SNCAIP: variants seen among roughly 807,000 people sequenced by gnomAD.
SNCAIP encodes synuclein alpha interacting protein.
A neutral mutation model predicts 86.7 loss-of-function variants in SNCAIP; 43 were observed. The ratio of observed to expected loss-of-function variants is 0.50; its 90% CI spans 0.39 to 0.64. The LOEUF (loss-of-function observed/expected upper bound fraction) is 0.64. SNCAIP is among the 30% of genes least tolerant of loss of function. The probability of loss-of-function intolerance (pLI) is 0.00; values close to 1 mark genes in which losing one functional copy is unlikely to be tolerated. For synonymous variants in SNCAIP, 417 were observed against 427.2 expected (o/e 0.98, Z 0.29); for missense variants, 981 against 1,103.1 (o/e 0.89, Z 1.57).
At chr5:122,426,066 C>T (rs908698695) in intron 5 of SNCAIP, among the ~76,000 whole-genome samples, 5 of 152,154 alleles carry the variant, frequency 3.3e-5, no homozygotes, top group Non-Finnish European at 5.9e-5. Context: ...AAATTAATGT[C>T]GACTGGAATA....
intron 5 of SNCAIP, among the ~76,000 whole-genome samples, chr5:122,429,564 C>G (rs1777985679): frequency 6.6e-6 from 1 of 151,772 alleles, no homozygotes; most frequent in African/African-American, 2.4e-5. Flanking sequence ...ACCGTCTTGC[C>G]TAGTAAATGA....
intron 1 of SNCAIP, among the ~76,000 whole-genome samples, chr5:122,378,691 T>C (rs940413018): frequency 7.7e-6 from 1 of 129,882 alleles, no homozygotes; most frequent in African/African-American, 2.9e-5. Flanking sequence ...GTTTAAGTCT[T>C]TAATCCATCT....
chr5:122,395,044 C>G (rs1770299182), intron 2 of SNCAIP, among the ~76,000 whole-genome samples: 1 of 152,170 alleles, frequency 6.6e-6, no homozygotes, highest in South Asian at 2.1e-4. Flanking sequence ...TTCTCTAGAC[C>G]AGTCACCTCA....
intron 6 of SNCAIP, among the ~76,000 whole-genome samples, chr5:122,437,584 C>T (rs550296066): frequency 2.6e-4 from 40 of 152,268 alleles, no homozygotes; most frequent in African/African-American, 8.7e-4. Context: ...CAACATAAAA[C>T]CCAAGACTGG....
At chr5:122,367,959 A>G (rs1300368195) in intron 1 of SNCAIP, among the ~76,000 whole-genome samples, 1 of 152,074 alleles carries the variant, frequency 6.6e-6, no homozygotes, top group African/African-American at 2.4e-5. Flanking sequence ...TCTCTGAGAA[A>G]CTCATTAGGA....
chr5:122,370,627 A>G (rs1764097992), intron 1 of SNCAIP, among the ~76,000 whole-genome samples: 1 of 152,178 alleles, frequency 6.6e-6, no homozygotes. Context: ...TCATCAGTCA[A>G]GCAAATATTC....
At chr5:122,335,412 T>C (rs1376361341) in intron 1 of SNCAIP, among the ~76,000 whole-genome samples, 2 of 152,188 alleles carry the variant, frequency 1.3e-5, no homozygotes, top group Admixed American at 1.3e-4. Flanking sequence ...ATCAAAAGTA[T>C]ATATTTGTAG....
chr5:122,372,396 C>T (rs898973192), intron 1 of SNCAIP, among the ~76,000 whole-genome samples: 1 of 152,126 alleles, frequency 6.6e-6, no homozygotes, highest in African/African-American at 2.4e-5. Flanking sequence ...CACAGCTGTT[C>T]AAGTTGTTGC....
At chr5:122,369,472 G>T (rs1763851332) in intron 1 of SNCAIP, among the ~76,000 whole-genome samples, 1 of 152,204 alleles carries the variant, frequency 6.6e-6, no homozygotes, top group Non-Finnish European at 1.5e-5. Context: ...ACATAGGATT[G>T]CAAGTTAAAG....
At chr5:122,323,830 T>C (rs1753471292) in intron 1 of SNCAIP, among the ~76,000 whole-genome samples, 1 of 152,224 alleles carries the variant, frequency 6.6e-6, no homozygotes, top group Admixed American at 6.5e-5. Flanking sequence ...AAAATGTGCA[T>C]GTAGGAAACC....
In SNCAIP at chr5:122,390,143, A is replaced by T. The variant is rs752448182; in HGVS notation, c.-46-946A>T. Among the ~76,000 whole-genome samples, 10 of 152,322 alleles carry T rather than the reference A, an allele frequency of 6.6e-5. No individual in the cohort carries two copies. In the Middle Eastern group the frequency reaches 0.01, roughly 155 times the overall value. On this transcript the variant is annotated intron_variant, in intron 1 of 10. Transcript: ENST00000261368. ...AAGAGGGCAAAATGAATTATTTCAG[A>T]TACTCAAATCTGGGTACTTAAGATA...
intron 1 of SNCAIP, among the ~76,000 whole-genome samples, chr5:122,362,897 AG>A (rs1410705440): frequency 6.6e-6 from 1 of 152,232 alleles, no homozygotes; most frequent in Non-Finnish European, 1.5e-5. Flanking sequence ...TAGGGGCTTA[AG>A]TCCCAGACAA....
intron 1 of SNCAIP, among the ~76,000 whole-genome samples, chr5:122,386,609 C>T (rs1768180492): frequency 6.6e-6 from 1 of 152,042 alleles, no homozygotes; most frequent in Non-Finnish European, 1.5e-5. Context: ...GTGCTGTGGG[C>T]ACATCCAAAG....
chr5:122,361,804 A>G (rs1209833087), intron 1 of SNCAIP, among the ~76,000 whole-genome samples: 1 of 152,188 alleles, frequency 6.6e-6, no homozygotes, highest in Non-Finnish European at 1.5e-5. Context: ...CTGCTGTCAC[A>G]TCATCAGTTC....
chr5:122,380,507 A>AT (rs1373162553), intron 1 of SNCAIP, among the ~76,000 whole-genome samples: 33 of 149,776 alleles, frequency 2.2e-4, no homozygotes, highest in Admixed American at 2.2e-3. Context: ...GAATTCATTA[A>AT]TTTTTTGAAG....
chr5:122,387,839 T>C (rs1214101653), intron 1 of SNCAIP, among the ~76,000 whole-genome samples: 1 of 152,256 alleles, frequency 6.6e-6, no homozygotes, highest in East Asian at 1.9e-4. Context: ...CAAATTGTGA[T>C]GTGCCAATAG....
Position 122,423,576 on chromosome 5 carries a change from T to G in SNCAIP, c.839T>G (p.Leu280Arg). ...KVEKTTPDCQ[L>R]RAFHLQSSAA... ...GAGAAGACAACACCAGACTGCCAGC[T>G]CAGGGCCTTCCACCTACAATCCTCA... The change falls in exon 4 of 11, where the codon CTC becomes CGC. Residue 280 changes from leucine (L) to arginine (R), a missense_variant. Physicochemically the swap from Leu to Arg is moderately radical, Grantham distance 102 (BLOSUM62 -2). Transcript: ENST00000261368. 6.2e-7 allele frequency: 1 copy of G among 1,614,168 alleles called. No individual in the cohort carries two copies. Among genetic ancestry groups the G allele is most frequent in the Non-Finnish European group, 8.5e-7 (1 of 1,180,036 alleles).
At chr5:122,439,850 G>A (rs896275646) in intron 6 of SNCAIP, among the ~76,000 whole-genome samples, 2 of 151,962 alleles carry the variant, frequency 1.3e-5, no homozygotes, top group Non-Finnish European at 2.9e-5. Context: ...TTCTCCAAAG[G>A]CCAAGCATAA....
chr5:122,430,329 T>C (rs1778163554), intron 5 of SNCAIP, among the ~76,000 whole-genome samples: 2 of 152,160 alleles, frequency 1.3e-5, no homozygotes, highest in African/African-American at 4.8e-5. Context: ...GAATGTTTGA[T>C]TTGTCTGACA....
Sources: allele counts gnomAD v4.1 joint callset (sites outside exome capture counted in the v4.1 genomes callset), GRCh38; gene constraint gnomAD v4.1.1; transcripts MANE v1.5; gene names NCBI Gene and HGNC (gene_info 2026-07-23, HGNC 2026-07-21).